HIVEP3: variants seen among roughly 807,000 people sequenced by gnomAD.
HIVEP3 encodes the protein transcription factor HIVEP3.
In HIVEP3, 49 loss-of-function variants were observed where a neutral mutation model predicts 152.8. That is an observed-to-expected ratio of 0.32 (90% CI 0.26 to 0.41). HIVEP3 has a LOEUF of 0.41. Among genes scored for constraint, HIVEP3 ranks in the 10% least tolerant of loss-of-function variants. HIVEP3 has a pLI of 1.00. For missense variants in HIVEP3, 2,790 were observed against 3,103.3 expected, an observed-to-expected ratio of 0.90 and a Z score of 2.40; for synonymous variants, 1,269 against 1,289.0, an observed-to-expected ratio of 0.98 and a Z score of 0.33.
Position 41,510,979 on chromosome 1 carries a change from G to T in HIVEP3, c.6693C>A (p.Asp2231Glu), listed in dbSNP as rs767304173. Residue 2231 changes from aspartate (D) to glutamate (E), a missense_variant, in exon 9 of 9, where the codon GAC becomes GAA. Coordinates refer to ENST00000372583, the MANE Select transcript of HIVEP3 (RefSeq NM_024503.5). ...WVSGFSGGGS[D>E]LTGAREAQER... The stretch of plus-strand genomic sequence containing the variant: ...CCTGGGCCTCCCGGGCCCCTGTCAG[G>T]TCGCTGCCACCCCCGGAGAAGCCAC... 8.7e-6 allele frequency: 14 copies of T among 1,613,518 alleles called. No individual in the cohort carries two copies. The highest frequency in any genetic ancestry group is 1.2e-5 in the Non-Finnish European group (14 of 1,179,826).
intron 1 of HIVEP3, among the ~76,000 whole-genome samples, chr1:41,710,906 G>A (rs904736509): frequency 2.6e-5 from 4 of 152,232 alleles, no homozygotes; most frequent in African/African-American, 9.6e-5. Context: ...TCCCCAAAGA[G>A]GGCCTTATCG....
chr1:41,584,354 G>A lies in HIVEP3; in HGVS notation c.444C>T (p.His148=), dbSNP rs753892817. 17 of 1,613,742 alleles carry A rather than the reference G, an allele frequency of 1.1e-5. No individual in the cohort carries two copies. The Middle Eastern group carries it at 4.9e-4, about 47-fold the overall frequency. The change falls in exon 4 of 9, where the codon CAC becomes CAT. Residue 148 remains histidine (H), a synonymous_variant. Transcript: ENST00000372583. This position sits in a 1 kb window ranked among gnomAD's most constrained non-coding sequence, Gnocchi z 5.2. The part of the protein sequence containing the change: ...LHPQSQLLPS[H]ASIIPPEDLP... ...GGTCCTCGGGGGGAATGATGGAAGC[G>A]TGGGAAGGAAGGAGCTGGCTCTGAG...
rs771556592 is a variant in HIVEP3 at position 41,582,729 on chromosome 1, A to G, written c.2069T>C (p.Ile690Thr). Residue 690 changes from isoleucine (I) to threonine (T), a missense_variant, in exon 4 of 9, where the codon ATT becomes ACT. This residue lies in a region of HIVEP3 where 339 missense variants were observed against 327.0 expected (regional missense o/e 1.04). Transcript: ENST00000372583. The surrounding 1 kb of genome is among the most constrained non-coding windows in gnomAD (Gnocchi z 4.7). ...CATTTGGGACCACGGCTCATGCTCA[A>G]TCTGACTCTTTTCAGCTTCTGGAGA... Reference protein sequence around the residue: ...HTSPEAEKSQIEHEPWSQMMH... With the variant: ...HTSPEAEKSQTEHEPWSQMMH... The G allele has an allele frequency of 2.4e-5, 39 of 1,614,054 alleles. No homozygotes were observed. The highest frequency in any genetic ancestry group is 4.4e-5 in the South Asian group (4 of 91,080).
chr1:41,731,265 C>T (rs948791676), intron 1 of HIVEP3, among the ~76,000 whole-genome samples: 9 of 152,220 alleles, frequency 5.9e-5, no homozygotes, highest in South Asian at 4.1e-4. Flanking sequence ...CAGGCAGCTC[C>T]GGAGCCATCA....
chr1:41,724,911 A>G (rs566679045), intron 1 of HIVEP3, among the ~76,000 whole-genome samples: 7 of 152,340 alleles, frequency 4.6e-5, no homozygotes, highest in African/African-American at 1.7e-4. Context: ...TTGTGCTCTC[A>G]CACCAAGACA....
intron 1 of HIVEP3, among the ~76,000 whole-genome samples, chr1:42,019,862 CATT>C (rs1435677226): frequency 6.6e-6 from 1 of 152,002 alleles, no homozygotes; most frequent in East Asian, 1.9e-4. Flanking sequence ...TTTAGGCACT[CATT>C]ATCAGATTAA....
rs117423284 is a variant in HIVEP3, at chr1:41,800,211, T to G, written c.-800-99216A>C. 1.5e-3 allele frequency among the ~76,000 whole-genome samples: 227 copies of G among 152,350 alleles called. 1 individual carries two copies. In the East Asian group the frequency reaches 0.037, roughly 25 times the overall value. ...GCCCTTTGCAATCTGACTTTGCCCC[T>G]CCTTTCATCAGGGGTGGAGTCTATT... is the stretch of plus-strand genomic sequence containing the variant. On this transcript the variant is annotated intron_variant, in intron 1 of 8. Coordinates refer to ENST00000372583, the MANE Select transcript of HIVEP3 (RefSeq NM_024503.5).
chr1:41,683,000 A>G (rs1646063881), intron 2 of HIVEP3, among the ~76,000 whole-genome samples: 1 of 152,222 alleles, frequency 6.6e-6, no homozygotes, highest in East Asian at 1.9e-4. Context: ...CTGGGTCTTA[A>G]ATGAGAGTTT....
intron 1 of HIVEP3, among the ~76,000 whole-genome samples, chr1:41,705,928 C>T (rs1646426913): frequency 6.6e-6 from 1 of 152,224 alleles, no homozygotes; most frequent in Non-Finnish European, 1.5e-5. Flanking sequence ...ACAGCTATAT[C>T]AAGGGTTGAT....
At chr1:41,563,603 C>T (rs947485628) in intron 5 of HIVEP3, among the ~76,000 whole-genome samples, 1 of 152,104 alleles carries the variant, frequency 6.6e-6, no homozygotes, top group African/African-American at 2.4e-5. Context: ...ATGGGGAACT[C>T]GCCGTCAAAG....
intron 1 of HIVEP3, among the ~76,000 whole-genome samples, chr1:41,704,868 A>C (rs1217907312): frequency 6.6e-6 from 1 of 152,248 alleles, no homozygotes; most frequent in Non-Finnish European, 1.5e-5. Context: ...TTGACTTCAA[A>C]GTTCCATGCA....
rs534827973 is a variant in HIVEP3 at position 41,878,806 on chromosome 1, T to G, written c.-801+39607A>C. ...TAACTCCCTACCTTTCTTCCTCCCC[T>G]TCCCTCTCTTCTTCCCTCCCTTCCT... On this transcript the variant is annotated intron_variant, in intron 1 of 8. Coordinates refer to ENST00000372583, the MANE Select transcript of HIVEP3 (RefSeq NM_024503.5). Among the ~76,000 whole-genome samples the G allele has an allele frequency of 3.1e-5, 4 of 128,764 alleles. No homozygotes were observed. In the South Asian group the frequency reaches 1.2e-3, roughly 38 times the overall value. The allele number at this position is 128,764 out of a possible 152,430, so 84.5% of individuals were successfully genotyped here.
intron 1 of HIVEP3, among the ~76,000 whole-genome samples, chr1:42,004,385 A>G (rs1570885011): frequency 6.6e-6 from 1 of 152,352 alleles, no homozygotes; most frequent in African/African-American, 2.4e-5. Flanking sequence ...TTGCACATCC[A>G]GTGGTTCTAG....
chr1:41,626,861 T>C (rs1014733125), intron 3 of HIVEP3, among the ~76,000 whole-genome samples: 7 of 152,186 alleles, frequency 4.6e-5, no homozygotes, highest in Non-Finnish European at 8.8e-5. Context: ...TCAGGAAGCA[T>C]CTTGGTGGAG....
chr1:41,997,752 A>C (rs753217643), intron 1 of HIVEP3, among the ~76,000 whole-genome samples: 5 of 152,224 alleles, frequency 3.3e-5, no homozygotes, highest in Non-Finnish European at 7.3e-5. Flanking sequence ...GAATCACCAA[A>C]TGATTAACTT....
chr1:41,892,341 T>G (rs1039522641), intron 1 of HIVEP3, among the ~76,000 whole-genome samples: 1 of 152,198 alleles, frequency 6.6e-6, no homozygotes, highest in African/African-American at 2.4e-5. Context: ...ACTGAGCGGC[T>G]GGTCAATATA....
chr1:41,953,115 T>C (rs1645120056), intron 1 of HIVEP3, among the ~76,000 whole-genome samples: 1 of 152,192 alleles, frequency 6.6e-6, no homozygotes, highest in Admixed American at 6.5e-5. Flanking sequence ...GCTCACATTG[T>C]TCCCTAGGCC....
intron 2 of HIVEP3, among the ~76,000 whole-genome samples, chr1:41,668,851 C>G (rs890221342): frequency 2.6e-5 from 4 of 152,174 alleles, no homozygotes; most frequent in Admixed American, 2.6e-4. Context: ...GTATTTGTGT[C>G]TGGTGCCCCT....
At chr1:41,588,198 G>A (rs1028194407) in intron 3 of HIVEP3, among the ~76,000 whole-genome samples, 3 of 152,212 alleles carry the variant, frequency 2.0e-5, no homozygotes, top group African/African-American at 7.2e-5. Context: ...CAGCCTGGCT[G>A]CACTGTGATG....
Sources: allele counts gnomAD v4.1 joint callset (sites outside exome capture counted in the v4.1 genomes callset), GRCh38; gene constraint gnomAD v4.1.1; regional missense constraint gnomAD v4.1.1; non-coding constraint Gnocchi (gnomAD v3.1); transcripts MANE v1.5; gene names NCBI Gene and HGNC (gene_info 2026-07-23, HGNC 2026-07-21).